The following DPP10 variants were observed in gnomAD, a reference collection of about 807,000 sequenced individuals.
DPP10 encodes the protein inactive dipeptidyl peptidase 10.
DPP10 carries 33 observed loss-of-function variants against 120.9 expected under a neutral mutation model. The observed-to-expected ratio is 0.27, with a 90% CI of 0.21 to 0.37. DPP10 has a LOEUF of 0.37. Ranked by LOEUF, DPP10 falls within the 10% of genes least tolerant of loss-of-function variation. DPP10 has a pLI of 1.00. For synonymous variants in DPP10, 337 were observed against 326.1 expected, an observed-to-expected ratio of 1.03 and a Z score of -0.36; for missense variants, 816 against 942.8, an observed-to-expected ratio of 0.87 and a Z score of 1.76.
chr2:115,540,057 A>T (rs2079088025), intron 5 of DPP10, among the ~76,000 whole-genome samples: 1 of 151,830 alleles, frequency 6.6e-6, no homozygotes, highest in African/African-American at 2.4e-5. Flanking sequence ...AATAGAAAGG[A>T]CCTTAGTGTT....
intron 1 of DPP10, among the ~76,000 whole-genome samples, chr2:114,456,214 A>G (rs1479098815): frequency 6.6e-6 from 1 of 152,240 alleles, no homozygotes; most frequent in Non-Finnish European, 1.5e-5. Context: ...GAGAAACAAT[A>G]GAGAATCCAG....
chr2:115,805,650 C>G (rs1415793603), intron 19 of DPP10, among the ~76,000 whole-genome samples: 2 of 151,386 alleles, frequency 1.3e-5, no homozygotes, highest in Non-Finnish European at 2.9e-5. Context: ...TCTTGGCTCA[C>G]TGCAACCTCT....
intron 1 of DPP10, among the ~76,000 whole-genome samples, chr2:114,843,476 TG>T (rs1204411027): frequency 6.6e-6 from 1 of 152,182 alleles, no homozygotes; most frequent in East Asian, 1.9e-4. Flanking sequence ...GGACAGAGTA[TG>T]CAGGGGCTTA....
intron 1 of DPP10, among the ~76,000 whole-genome samples, chr2:115,140,525 GATCTGGTTTCTCT>G (rs1157967681): frequency 6.6e-6 from 1 of 152,186 alleles, no homozygotes; most frequent in Non-Finnish European, 1.5e-5. Flanking sequence ...AGAGTGATGT[GATCTGGTTTCTCT>G]TTTAAATAGC....
chr2:114,935,401 C>A (rs188161722), intron 1 of DPP10, among the ~76,000 whole-genome samples: 1 of 152,130 alleles, frequency 6.6e-6, no homozygotes, highest in African/African-American at 2.4e-5. Flanking sequence ...ACCTAATGTG[C>A]CCATTAGGCA....
intron 1 of DPP10, among the ~76,000 whole-genome samples, chr2:114,701,014 C>A (rs746406518): frequency 2.0e-5 from 3 of 151,930 alleles, no homozygotes; most frequent in Non-Finnish European, 4.4e-5. Context: ...GTACTAGTAT[C>A]ATTGTTATTA....
intron 12 of DPP10, among the ~76,000 whole-genome samples, chr2:115,764,405 G>T (rs1308680297): frequency 6.6e-6 from 1 of 151,512 alleles, no homozygotes; most frequent in Non-Finnish European, 1.5e-5. Flanking sequence ...TTTTATCTTG[G>T]TCAATGTACA....
chr2:115,300,553 A>C (rs1348866559), intron 1 of DPP10, among the ~76,000 whole-genome samples: 2 of 152,094 alleles, frequency 1.3e-5, no homozygotes, highest in African/African-American at 4.8e-5. Context: ...AGAGGTGTAC[A>C]AATATCTGTT....
chr2:115,196,115 T>C (rs2055248107), intron 1 of DPP10, among the ~76,000 whole-genome samples: 1 of 152,244 alleles, frequency 6.6e-6, no homozygotes, highest in South Asian at 2.1e-4. Context: ...TCATTTTATT[T>C]ATCAATTGTG....
intron 21 of DPP10, among the ~76,000 whole-genome samples, chr2:115,816,471 G>C (rs538300363): frequency 6.6e-6 from 1 of 152,314 alleles, no homozygotes; most frequent in Non-Finnish European, 1.5e-5. Context: ...GAAATGACCA[G>C]TGTGCATAAT....
chr2:114,985,493 C>T (rs1339453331), intron 1 of DPP10, among the ~76,000 whole-genome samples: 1 of 152,150 alleles, frequency 6.6e-6, no homozygotes, highest in Non-Finnish European at 1.5e-5. Context: ...CCTATTCTGC[C>T]TCATTTGAAG....
rs70941069 is a variant in DPP10, at chr2:115,530,679, C to CA, written c.441+4718dup. The stretch of plus-strand genomic sequence containing the variant: ...TGAGTGACAGGGCAAGACTCTGTCT[C>CA]AAAAAAAAAAATTAAATAAAGAAAT... On this transcript the variant is annotated intron_variant, in intron 5 of 25. Transcript: ENST00000410059. Among the ~76,000 whole-genome samples, 129 of 147,666 alleles carry CA rather than the reference C, an allele frequency of 8.7e-4. No homozygotes were observed. The East Asian group carries it at 0.017, about 19-fold the overall frequency.
intron 1 of DPP10, among the ~76,000 whole-genome samples, chr2:115,232,125 TGC>T (rs2105493552): frequency 6.6e-6 from 1 of 152,298 alleles, no homozygotes; most frequent in South Asian, 2.1e-4. Context: ...GTTAATGGCA[TGC>T]ACTGAACTGA....
chr2:115,762,371 C>T (rs1680218239), intron 11 of DPP10, among the ~76,000 whole-genome samples: 1 of 131,178 alleles, frequency 7.6e-6, no homozygotes, highest in Admixed American at 8.6e-5. Flanking sequence ...AAAGAAAAGA[C>T]TTTATAATTA....
chr2:115,072,293 C>G (rs1383127147), intron 1 of DPP10, among the ~76,000 whole-genome samples: 2 of 152,086 alleles, frequency 1.3e-5, no homozygotes, highest in East Asian at 3.9e-4. Flanking sequence ...GTCCTAGAAA[C>G]AGGTTTTACA....
chr2:115,418,760 G>A (rs959405235), intron 3 of DPP10, among the ~76,000 whole-genome samples: 3 of 137,490 alleles, frequency 2.2e-5, no homozygotes, highest in Non-Finnish European at 5.0e-5. Context: ...GTGACAGAGT[G>A]AGATCCTGTC....
chr2:115,133,625 T>C (rs1559132592), intron 1 of DPP10, among the ~76,000 whole-genome samples: 1 of 152,132 alleles, frequency 6.6e-6, no homozygotes, highest in African/African-American at 2.4e-5. Flanking sequence ...TCTGAGAAGA[T>C]GAGTGAGCTG....
chr2:115,113,184 C>A (rs1559110266), intron 1 of DPP10, among the ~76,000 whole-genome samples: 3 of 151,650 alleles, frequency 2.0e-5, no homozygotes, highest in African/African-American at 4.8e-5. Context: ...ATAACACATA[C>A]AATATATGCT....
At chr2:114,640,969 T>C (rs561077915) in intron 1 of DPP10, among the ~76,000 whole-genome samples, 2 of 151,986 alleles carry the variant, frequency 1.3e-5, no homozygotes, top group East Asian at 3.9e-4. Flanking sequence ...TACACCTCCA[T>C]CAGGATGTAT....
Sources: allele counts gnomAD v4.1 joint callset (sites outside exome capture counted in the v4.1 genomes callset), GRCh38; gene constraint gnomAD v4.1.1; transcripts MANE v1.5; gene names NCBI Gene and HGNC (gene_info 2026-07-23, HGNC 2026-07-21).